Variants in RBFOX1 observed in about 807,000 individuals in gnomAD.
RBFOX1 encodes the protein RNA binding protein fox-1 homolog 1.
A neutral mutation model predicts 57.7 loss-of-function variants in RBFOX1; 8 were observed. The observed-to-expected ratio is 0.14, with a 90% CI of 0.08 to 0.25. RBFOX1 has a LOEUF of 0.25. Among genes scored for constraint, RBFOX1 ranks in the 10% least tolerant of loss-of-function variants. The probability of loss-of-function intolerance (pLI) is 1.00; values close to 1 mark genes in which losing one functional copy is unlikely to be tolerated. For synonymous variants in RBFOX1, 326 were observed against 222.4 expected (o/e 1.47, Z -4.15); for missense variants, 611 against 548.5 (o/e 1.11, Z -1.14).
Position 6,814,851 on chromosome 16 carries a change from C to T in RBFOX1, c.-16+160201C>T, listed in dbSNP as rs74451650. Among the ~76,000 whole-genome samples, 17 of 152,168 alleles carry T rather than the reference C, an allele frequency of 1.1e-4. No individual in the cohort carries two copies. The East Asian group carries it at 1.9e-3, about 17-fold the overall frequency. On this transcript the variant is annotated intron_variant, in intron 3 of 15. Transcript: ENST00000550418. ...TTCTGGAAAGGGGTCCTGATCCAGA[C>T]GCCAAGAGAGGGTTCTTGGACCTTG...
chr16:7,518,037 A>G (rs912917970), intron 4 of RBFOX1, 110 bp from the exon 5 acceptor site: 2 of 1,341,016 alleles, frequency 1.5e-6, no homozygotes, highest in Non-Finnish European at 2.0e-6. Context: ...CACCATGGTG[A>G]CCCCTAGAAA....
intron 4 of RBFOX1, among the ~76,000 whole-genome samples, chr16:7,287,961 T>G (rs896993718): frequency 1.3e-5 from 2 of 152,210 alleles, no homozygotes; most frequent in African/African-American, 2.4e-5. Flanking sequence ...AAATGAGTGA[T>G]GTGTGACTGG....
chr16:7,062,931 T>C (rs2054922671), intron 4 of RBFOX1, among the ~76,000 whole-genome samples: 1 of 102,992 alleles, frequency 9.7e-6, no homozygotes, highest in South Asian at 3.4e-4. Flanking sequence ...TTTTTTTTGC[T>C]GAAGTTAGTC....
At chr16:7,110,029 C>T (rs1390129173) in intron 4 of RBFOX1, among the ~76,000 whole-genome samples, 1 of 151,916 alleles carries the variant, frequency 6.6e-6, no homozygotes, top group Non-Finnish European at 1.5e-5. Flanking sequence ...TTATAATTCA[C>T]CTGTTTATTT....
intron 4 of RBFOX1, among the ~76,000 whole-genome samples, chr16:7,405,670 C>A (rs557492622): frequency 7.9e-5 from 12 of 152,304 alleles, no homozygotes; most frequent in Non-Finnish European, 7.4e-5. Context: ...CGGATCCAGG[C>A]TGCAACTCAG....
At chr16:7,243,582 C>G (rs190501728) in intron 4 of RBFOX1, among the ~76,000 whole-genome samples, 2 of 152,228 alleles carry the variant, frequency 1.3e-5, no homozygotes, top group Admixed American at 6.5e-5. Flanking sequence ...GGCTGTCACT[C>G]TGTCACCCAG....
At chr16:7,250,191 A>G (rs1159336900) in intron 4 of RBFOX1, among the ~76,000 whole-genome samples, 1 of 152,158 alleles carries the variant, frequency 6.6e-6, no homozygotes, top group Non-Finnish European at 1.5e-5. Flanking sequence ...TAAAATTCAA[A>G]TGTGGTGTTT....
At chr16:7,108,470 C>T (rs1040637302) in intron 4 of RBFOX1, among the ~76,000 whole-genome samples, 1 of 152,120 alleles carries the variant, frequency 6.6e-6, no homozygotes, top group African/African-American at 2.4e-5. Flanking sequence ...ATTCATTGAT[C>T]TGGTAAACAT....
At chr16:7,207,329 G>A (rs181413610) in intron 4 of RBFOX1, among the ~76,000 whole-genome samples, 1 of 152,250 alleles carries the variant, frequency 6.6e-6, no homozygotes, top group Admixed American at 6.5e-5. Flanking sequence ...TGACCAGATG[G>A]AACATGATTT....
intron 3 of RBFOX1, among the ~76,000 whole-genome samples, chr16:6,800,927 G>A (rs771243261): frequency 7.2e-5 from 11 of 152,076 alleles, no homozygotes; most frequent in South Asian, 2.1e-4. Context: ...TTTGCTATCC[G>A]TCTTGCCCCT....
chr16:5,700,282 C>T (rs921186685), intron 3 of RBFOX1, among the ~76,000 whole-genome samples: 3 of 152,110 alleles, frequency 2.0e-5, no homozygotes, highest in Non-Finnish European at 4.4e-5. Context: ...ATTCAAAAGC[C>T]CACTTTGACA....
At chr16:6,179,598 A>G (rs2097046308) in intron 1 of RBFOX1, among the ~76,000 whole-genome samples, 2 of 152,106 alleles carry the variant, frequency 1.3e-5, no homozygotes, top group South Asian at 4.1e-4. Flanking sequence ...TATCAATCCC[A>G]TCAGCATGGA....
intron 3 of RBFOX1, among the ~76,000 whole-genome samples, chr16:6,691,684 A>C (rs1245509718): frequency 6.6e-6 from 1 of 152,174 alleles, no homozygotes; most frequent in African/African-American, 2.4e-5. Context: ...TGGTCCTCCA[A>C]ACTGTCCACG....
At chr16:6,359,891 C>A (rs905975340) in intron 2 of RBFOX1, among the ~76,000 whole-genome samples, 1 of 152,024 alleles carries the variant, frequency 6.6e-6, no homozygotes, top group African/African-American at 2.4e-5. Flanking sequence ...TCATCCAGTG[C>A]CTAAAATGAA....
At chr16:5,882,302 T>G (rs987854334) in intron 4 of RBFOX1, among the ~76,000 whole-genome samples, 1 of 152,174 alleles carries the variant, frequency 6.6e-6, no homozygotes, top group African/African-American at 2.4e-5. Context: ...CTTAAGAAAC[T>G]TGTCTTAGAG....
Position 7,661,493 on chromosome 16 carries a change from G to A in RBFOX1, c.891-3436G>A, listed in dbSNP as rs953180194. 5.9e-5 allele frequency among the ~76,000 whole-genome samples: 9 copies of A among 152,176 alleles called. 1 individual carries two copies. The highest frequency in any genetic ancestry group is 8.8e-5 in the Non-Finnish European group (6 of 68,040). On this transcript the variant is annotated intron_variant, in intron 12 of 15. Transcript: ENST00000550418. ...ACCGAGCCAAGGCTTTGAGGTTTCT[G>A]TGCCATTTGCTTAGCCTCTCTCGTC...
At chr16:5,553,991 CAG>C (rs1296757556) in intron 2 of RBFOX1, among the ~76,000 whole-genome samples, 1 of 139,366 alleles carries the variant, frequency 7.2e-6, no homozygotes, top group Non-Finnish European at 1.5e-5. Context: ...TTTTTTGAGA[CAG>C]AGTCTTGCTG....
At chr16:5,339,894 G>A (rs1217634988) in intron 1 of RBFOX1, among the ~76,000 whole-genome samples, 1 of 152,138 alleles carries the variant, frequency 6.6e-6, no homozygotes, top group Non-Finnish European at 1.5e-5. Flanking sequence ...GGCTGCAGAG[G>A]TCATGGGAGG....
intron 4 of RBFOX1, among the ~76,000 whole-genome samples, chr16:7,271,092 G>T (rs1261231445): frequency 1.3e-5 from 2 of 152,174 alleles, no homozygotes; most frequent in Non-Finnish European, 2.9e-5. Flanking sequence ...ACCTGAAATA[G>T]AGTGTATCAC....
Sources: allele counts gnomAD v4.1 joint callset (sites outside exome capture counted in the v4.1 genomes callset), GRCh38; gene constraint gnomAD v4.1.1; transcripts MANE v1.5; gene names NCBI Gene and HGNC (gene_info 2026-07-23, HGNC 2026-07-21).